CPN1: variants seen among roughly 807,000 people sequenced by gnomAD.
CPN1 encodes carboxypeptidase N subunit 1.
In CPN1, 37 loss-of-function variants were observed where a neutral mutation model predicts 46.4. That is an observed-to-expected ratio of 0.80 (90% CI 0.61 to 1.05). The LOEUF (loss-of-function observed/expected upper bound fraction) is 1.05, where lower values mean the gene tolerates loss of function less well. Among genes scored for constraint, CPN1 ranks in the 50% least tolerant of loss-of-function variants. CPN1 has a pLI of 0.00. For synonymous variants in CPN1, 224 were observed against 235.4 expected (o/e 0.95, Z 0.44); for missense variants, 563 against 602.6 (o/e 0.93, Z 0.69).
At chr10:100,043,749 C>T (rs1367861062) in intron 8 of CPN1, among the ~76,000 whole-genome samples, 3 of 151,898 alleles carry the variant, frequency 2.0e-5, no homozygotes, top group African/African-American at 7.3e-5. Context: ...GATCCCCCTG[C>T]CTCAGCCTCT....
At chr10:100,063,549 G>T in intron 5 of CPN1, 65 bp downstream of exon 5, 1 of 1,229,146 alleles carries the variant, frequency 8.1e-7, no homozygotes, top group Non-Finnish European at 1.2e-6. Flanking sequence ...AGAAAACTGG[G>T]AATTTAGAAG....
chr10:100,081,290 TA>T (rs2041543164), intron 1 of CPN1, 112 bp downstream of exon 1: 1 of 886,122 alleles, frequency 1.1e-6, no homozygotes, highest in Non-Finnish European at 1.8e-6. Flanking sequence ...GAGAAAGAGA[TA>T]ATACCTTGTA....
chr10:100,048,620 GC>G, intron 8 of CPN1, 137 bp downstream of exon 8: 1 of 739,622 alleles, frequency 1.4e-6, no homozygotes, highest in Non-Finnish European at 2.5e-6. Context: ...GATTGCTTCG[GC>G]CCAGGAGATC....
Position 100,081,645 on chromosome 10 carries a change from G to C in CPN1, c.-20C>G. On this transcript the variant is annotated 5_prime_UTR_variant, in exon 1 of 9. Transcript: ENST00000370418. The stretch of plus-strand genomic sequence containing the variant: ...TGACATCTTGCTGGGCTTTTTCAAA[G>C]AGAGCCACTGAAACGCGCCCCACCT... 1 of 1,609,266 alleles carries C rather than the reference G, an allele frequency of 6.2e-7. No homozygotes were observed. Among genetic ancestry groups the C allele is most frequent in the East Asian group, 2.2e-5 (1 of 44,852 alleles).
At chr10:100,062,508 A>T (rs2041425862) in intron 5 of CPN1, among the ~76,000 whole-genome samples, 1 of 152,168 alleles carries the variant, frequency 6.6e-6, no homozygotes, top group South Asian at 2.1e-4. Context: ...AAATACAGTT[A>T]CACCATTTAT....
intron 3 of CPN1, among the ~76,000 whole-genome samples, chr10:100,067,997 C>T (rs1350468206): frequency 6.6e-6 from 1 of 151,308 alleles, no homozygotes; most frequent in Non-Finnish European, 1.5e-5. Context: ...ACTAAAAATA[C>T]AAAAATTGGC....
chr10:100,065,260 G>A lies in CPN1; in HGVS notation c.687C>T (p.Ser229=). 1 of 1,614,164 alleles carries A rather than the reference G, an allele frequency of 6.2e-7. No homozygotes were observed. The highest frequency in any genetic ancestry group is 1.7e-5 in the Admixed American group (1 of 60,020). The change falls in exon 4 of 9, where the codon TCC becomes TCT. Residue 229 remains serine, a synonymous_variant. Coordinates refer to ENST00000370418, the MANE Select transcript of CPN1 (RefSeq NM_001308.3). ...AVVANYPYDK[S]FEHRVRGVRR... is the part of the protein sequence containing the mutation. ...GGACCCCTCGGACCCGGTGCTCAAA[G>A]GACTTGTCATACGGGTAATTGGCCA...
At chr10:100,052,066 C>G (rs1162819019) in intron 7 of CPN1, among the ~76,000 whole-genome samples, 1 of 149,394 alleles carries the variant, frequency 6.7e-6, no homozygotes, top group East Asian at 2.0e-4. Context: ...CACCACCACA[C>G]CCAGCTAATT....
At chr10:100,051,170 T>C (rs1250114838) in intron 7 of CPN1, among the ~76,000 whole-genome samples, 5 of 152,264 alleles carry the variant, frequency 3.3e-5, no homozygotes, top group African/African-American at 9.6e-5. Context: ...GACAGTGATT[T>C]TAAAATTCAT....
At chr10:100,062,242 T>C (rs906376629) in intron 5 of CPN1, among the ~76,000 whole-genome samples, 1 of 151,942 alleles carries the variant, frequency 6.6e-6, no homozygotes, top group African/African-American at 2.4e-5. Flanking sequence ...TTCAATCCAG[T>C]GAAGGCTCAT....
chr10:100,051,719 G>A (rs2041355167), intron 7 of CPN1, among the ~76,000 whole-genome samples: 1 of 151,774 alleles, frequency 6.6e-6, no homozygotes, highest in Admixed American at 6.6e-5. Context: ...AGTAGAGACG[G>A]GGTTTTACCA....
rs1246887352 is a variant in CPN1 at position 100,063,609 on chromosome 10, C to CT, written c.871+4dup. 1.9e-6 allele frequency: 3 copies of CT among 1,606,176 alleles called. No individual in the cohort carries two copies. The highest frequency in any genetic ancestry group is 2.6e-6 in the Non-Finnish European group (3 of 1,172,870). On this transcript the variant is annotated splice_donor_region_variant and intron_variant, in intron 5 of 8. Coordinates refer to ENST00000370418, the MANE Select transcript of CPN1 (RefSeq NM_001308.3). The stretch of plus-strand genomic sequence containing the variant: ...AGCTTGAGCAGTTCCCAGGACTCCC[C>CT]TTACCCTTGCTGAGAGAATACCAGG...
chr10:100,053,862 C>T (rs192246941), intron 7 of CPN1, among the ~76,000 whole-genome samples: 95 of 152,240 alleles, frequency 6.2e-4, no homozygotes, highest in African/African-American at 2.2e-3. Context: ...ATCAATCTTG[C>T]CCCCACAGTA....
At chr10:100,049,924 C>G (rs1388655761) in intron 7 of CPN1, among the ~76,000 whole-genome samples, 2 of 152,134 alleles carry the variant, frequency 1.3e-5, no homozygotes, top group African/African-American at 4.8e-5. Flanking sequence ...AATGTTTTGC[C>G]TAATAAAGAA....
At chr10:100,079,566 T>C (rs1228489291) in intron 1 of CPN1, among the ~76,000 whole-genome samples, 1 of 152,222 alleles carries the variant, frequency 6.6e-6, no homozygotes, top group Non-Finnish European at 1.5e-5. Context: ...TATGATCTGA[T>C]TGACAGCAGG....
At chr10:100,045,259 C>T (rs1207079180) in intron 8 of CPN1, among the ~76,000 whole-genome samples, 1 of 152,138 alleles carries the variant, frequency 6.6e-6, no homozygotes, top group Non-Finnish European at 1.5e-5. Flanking sequence ...CTCAAGAGGA[C>T]GTGCAGTTGT....
In CPN1 at chr10:100,076,063, C is replaced by T. The variant is rs1188160239; in HGVS notation, c.268G>A (p.Ala90Thr). 3 of 1,614,244 alleles carry T rather than the reference C, an allele frequency of 1.9e-6. No homozygotes were observed. The highest frequency in any genetic ancestry group is 2.5e-6 in the Non-Finnish European group (3 of 1,180,048). The change falls in exon 2 of 9, where the codon GCG becomes ACG. Residue 90 changes from alanine to threonine, a missense_variant. Physicochemically the swap from Ala to Thr is moderately conservative, Grantham distance 58. Transcript: ENST00000370418. ...KYVGNMHGNE[A>T]LGRELMLQLS... ...TGCAGCATCAGCTCGCGGCCCAACG[C>T]TTCGTTGCCGTGCATGTTCCCCACA...
At chr10:100,078,476 TCC>T (rs1366170346) in intron 1 of CPN1, among the ~76,000 whole-genome samples, 3 of 152,192 alleles carry the variant, frequency 2.0e-5, no homozygotes, top group Non-Finnish European at 4.4e-5. Flanking sequence ...CCACTTGGTC[TCC>T]CTGCAGCTGC....
At position 100,054,385 on chromosome 10, in the gene CPN1, A is replaced by C. The variant is rs1171933517; in HGVS notation, c.1073T>G (p.Val358Gly). ...DENYNNLANA[V>G]ISVSGINHDV... The stretch of plus-strand genomic sequence containing the variant: ...ATGGTTAATCCCACTGACAGAAATG[A>C]CAGCATTGGCGAGATTATTGTAATT... Residue 358 changes from valine to glycine, a missense_variant, in exon 7 of 9, where the codon GTC (valine) becomes GGC (glycine). By Grantham distance (109) the Val-to-Gly change is moderately radical. Transcript: ENST00000370418. 1.2e-6 allele frequency: 2 copies of C among 1,614,100 alleles called. No homozygotes were observed. The highest frequency in any genetic ancestry group is 2.2e-5 in the South Asian group (2 of 91,082).
Sources: gnomAD v4.1 joint callset for allele counts (sites outside exome capture counted in the v4.1 genomes callset) on GRCh38, gnomAD v4.1.1 for gene constraint, MANE v1.5 for transcripts, NCBI Gene and HGNC (gene_info 2026-07-23, HGNC 2026-07-21) for gene names.